The following NTRK3 variants were observed in gnomAD, a reference collection of about 807,000 sequenced individuals.
NTRK3 encodes the protein neurotrophic receptor tyrosine kinase 3, also known as NT-3 growth factor receptor.
NTRK3 carries 24 observed loss-of-function variants against 91.7 expected under a neutral mutation model. The observed-to-expected ratio is 0.26, with a 90% CI of 0.19 to 0.37. NTRK3 has a LOEUF of 0.37. Ranked by LOEUF, NTRK3 falls within the 10% of genes least tolerant of loss-of-function variation. NTRK3 has a pLI of 1.00. For synonymous variants in NTRK3, 483 were observed against 404.0 expected (o/e 1.20, Z -2.34); for missense variants, 880 against 1,068.9 (o/e 0.82, Z 2.46).
At chr15:87,957,096 C>T (rs915470118) in intron 14 of NTRK3, among the ~76,000 whole-genome samples, 27 of 152,134 alleles carry the variant, frequency 1.8e-4, no homozygotes, top group African/African-American at 3.9e-4. Context: ...CCAGCCTACA[C>T]CAATCATTTC....
chr15:87,994,486 G>T (rs1273736771), intron 14 of NTRK3, among the ~76,000 whole-genome samples: 1 of 152,140 alleles, frequency 6.6e-6, no homozygotes, highest in Non-Finnish European at 1.5e-5. Flanking sequence ...GTCCAAAATT[G>T]CCAGCAAACT....
At chr15:88,154,049 A>G (rs2043651771) in intron 5 of NTRK3, among the ~76,000 whole-genome samples, 1 of 149,914 alleles carries the variant, frequency 6.7e-6, no homozygotes, top group East Asian at 2.0e-4. Context: ...GACCAGAACT[A>G]ATTAAGAATC....
At chr15:87,924,204 G>C (rs531589007) in intron 17 of NTRK3, among the ~76,000 whole-genome samples, 13 of 152,242 alleles carry the variant, frequency 8.5e-5, no homozygotes, top group African/African-American at 3.1e-4. Context: ...CATACAGTCA[G>C]GAATTATAGG....
intron 14 of NTRK3, among the ~76,000 whole-genome samples, chr15:87,973,830 C>CCCT (rs944423808): frequency 8.5e-5 from 13 of 152,164 alleles, no homozygotes; most frequent in African/African-American, 2.9e-4. Context: ...GCCCCTCTCC[C>CCCT]CCTCCCTGTC....
At chr15:87,903,805 G>T (rs931662776) in intron 17 of NTRK3, among the ~76,000 whole-genome samples, 1 of 152,182 alleles carries the variant, frequency 6.6e-6, no homozygotes, top group Admixed American at 6.5e-5. Flanking sequence ...AATGAAAAGG[G>T]GGGAAACCAC....
chr15:88,094,194 C>T lies in NTRK3; in HGVS notation c.1396+32077G>A, dbSNP rs535315070. 3.3e-5 allele frequency among the ~76,000 whole-genome samples: 5 copies of T among 152,222 alleles called. No individual in the cohort carries two copies. In the South Asian group the frequency reaches 8.3e-4, roughly 25 times the overall value. ...AGAATAAAAAGAAGTCGGCCGGGCG[C>T]GGTGGCTCACGCCTGTAATCCCAGC... On this transcript the variant is annotated intron_variant, in intron 13 of 18. Transcript: ENST00000394480.
At chr15:88,239,928 C>T (rs1317680859) in intron 3 of NTRK3, among the ~76,000 whole-genome samples, 5 of 152,172 alleles carry the variant, frequency 3.3e-5, no homozygotes, top group Non-Finnish European at 7.3e-5. Flanking sequence ...GAATCAGAAA[C>T]TCTGGGGTGG....
intron 3 of NTRK3, among the ~76,000 whole-genome samples, chr15:88,212,598 A>G (rs1294736608): frequency 6.6e-6 from 1 of 151,962 alleles, no homozygotes; most frequent in East Asian, 1.9e-4. Flanking sequence ...AAATACAGTA[A>G]CTGAGACTTG....
At chr15:88,215,548 A>G (rs1029469544) in intron 3 of NTRK3, among the ~76,000 whole-genome samples, 5 of 152,246 alleles carry the variant, frequency 3.3e-5, no homozygotes, top group African/African-American at 1.2e-4. Context: ...CAGGCAGCTC[A>G]GGGGAGCCAG....
Position 87,870,803 on chromosome 15 carries a change from C to T in NTRK3, c.*6132G>A, listed in dbSNP as rs546595992. The T allele has an allele frequency of 5.6e-4, 124 of 223,056 alleles. 1 individual carries two copies. The East Asian group carries it at 8.0e-3, about 14-fold the overall frequency. 13.8% of individuals were successfully genotyped at this position (223,056 alleles called of 1,614,324 possible). A position where few individuals can be genotyped will look rare whatever the true frequency, so the allele number is the denominator to read the frequency against. On this transcript the variant is annotated 3_prime_UTR_variant, in exon 19 of 19. Coordinates refer to ENST00000394480, the Ensembl canonical transcript of NTRK3. ...TTCTCAGAAGTAGATGTTCAACAGG[C>T]CTTTCCTCACCTCTGTTATCTTGAT...
intron 3 of NTRK3, among the ~76,000 whole-genome samples, chr15:88,245,310 T>C (rs1046072484): frequency 2.0e-4 from 30 of 152,176 alleles, no homozygotes; most frequent in African/African-American, 7.0e-4. Flanking sequence ...ATAATCTCAT[T>C]CAACCCTCAC....
At chr15:87,944,353 CG>C (rs1275769561) in intron 14 of NTRK3, among the ~76,000 whole-genome samples, 4 of 152,154 alleles carry the variant, frequency 2.6e-5, no homozygotes, top group African/African-American at 9.7e-5. Context: ...CTGAACTTAC[CG>C]AGGAAACAGT....
intron 17 of NTRK3, among the ~76,000 whole-genome samples, chr15:87,889,305 T>C (rs1484342886): frequency 6.6e-6 from 1 of 151,978 alleles, no homozygotes; most frequent in African/African-American, 2.4e-5. Flanking sequence ...CCCAATGAAT[T>C]AGACCAGAGG....
chr15:87,980,654 T>C (rs1444202284), intron 14 of NTRK3, among the ~76,000 whole-genome samples: 2 of 152,150 alleles, frequency 1.3e-5, no homozygotes, highest in Non-Finnish European at 2.9e-5. Context: ...GGGAATATGA[T>C]GGGAAAAACT....
At chr15:87,976,003 G>A (rs925803579) in intron 14 of NTRK3, among the ~76,000 whole-genome samples, 1 of 152,004 alleles carries the variant, frequency 6.6e-6, no homozygotes, top group Non-Finnish European at 1.5e-5. Context: ...CTGAGCTGTG[G>A]ATACTTTTCC....
rs192499700 is a variant in NTRK3, at chr15:88,135,132, G to A, written c.1173C>T (p.Ile391=). Reference sequence around the variant, plus strand: ...AGGGCTCCTTGAGGAAGTGGCCATTGATGGTCTGGTTGGCTGTGCCCAGTG... The same window carrying A: ...AGGGCTCCTTGAGGAAGTGGCCATTAATGGTCTGGTTGGCTGTGCCCAGTG... The change falls in exon 10 of 19, where the codon ATC becomes ATT. Residue 391 remains isoleucine, a synonymous_variant. Coordinates refer to ENST00000394480, the Ensembl canonical transcript of NTRK3. The A allele has an allele frequency of 2.3e-4, 372 of 1,614,266 alleles. 4 individuals are homozygous for A. The Middle Eastern group carries it at 2.3e-3, about 10-fold the overall frequency.
At chr15:87,907,486 C>A (rs139490184) in intron 17 of NTRK3, among the ~76,000 whole-genome samples, 32 of 152,212 alleles carry the variant, frequency 2.1e-4, no homozygotes, top group African/African-American at 5.8e-4. Flanking sequence ...ACTGTAAAAG[C>A]CTTCCTTCCC....
At chr15:88,095,268 T>C (rs2049465604) in intron 13 of NTRK3, among the ~76,000 whole-genome samples, 2 of 152,206 alleles carry the variant, frequency 1.3e-5, no homozygotes, top group South Asian at 4.1e-4. Context: ...TTGGAGAAAA[T>C]GTCTCAACAA....
At position 88,132,072 on chromosome 15, in the gene NTRK3, G is replaced by A. The variant is rs139373209; in HGVS notation, c.1204+3029C>T. ...CACCACAACCTTTAAGGTAAAAGCA[G>A]GAAGGTGAAGCAATTTGCCTGACGT... On this transcript the variant is annotated intron_variant, in intron 10 of 18. Coordinates refer to ENST00000394480, the Ensembl canonical transcript of NTRK3. 1.4e-3 allele frequency: 275 copies of A among 189,816 alleles called. 1 individual carries two copies. The Middle Eastern group carries it at 0.019, about 13-fold the overall frequency. 11.8% of individuals were successfully genotyped at this position (189,816 alleles called of 1,614,324 possible).
Sources: gnomAD v4.1 joint callset for allele counts (sites outside exome capture counted in the v4.1 genomes callset) on GRCh38, gnomAD v4.1.1 for gene constraint, MANE v1.5 for transcripts, NCBI Gene and HGNC (gene_info 2026-07-23, HGNC 2026-07-21) for gene names.